Variants in TUSC3 observed in about 807,000 individuals in gnomAD.
The protein encoded by TUSC3 is dolichyl-diphosphooligosaccharide--protein glycosyltransferase subunit TUSC3.
Under a neutral mutation model 44.8 loss-of-function variants are expected in TUSC3, and 45 were observed. The ratio of observed to expected loss-of-function variants is 1.00; its 90% CI spans 0.79 to 1.29. The LOEUF (loss-of-function observed/expected upper bound fraction) is 1.29. Ranked by LOEUF, TUSC3 falls within the 50% of genes most tolerant of loss-of-function variation. TUSC3 has a pLI of 0.00. For missense variants in TUSC3, 519 were observed against 437.9 expected (o/e 1.19, Z -1.65); for synonymous variants, 212 against 152.9 (o/e 1.39, Z -2.85).
intron 1 of TUSC3, among the ~76,000 whole-genome samples, chr8:15,616,399 A>T (rs2129161320): frequency 6.6e-6 from 1 of 152,202 alleles, no homozygotes; most frequent in East Asian, 1.9e-4. Context: ...CCAACATGGC[A>T]AAACTCCGTT....
intron 1 of TUSC3, among the ~76,000 whole-genome samples, chr8:15,562,165 G>A (rs1005954030): frequency 6.6e-6 from 1 of 152,158 alleles, no homozygotes; most frequent in Non-Finnish European, 1.5e-5. Context: ...TTATAACCTA[G>A]TTGGGGTATC....
chr8:15,731,915 A>G (rs1810740809), intron 7 of TUSC3, among the ~76,000 whole-genome samples: 2 of 152,170 alleles, frequency 1.3e-5, no homozygotes, highest in African/African-American at 4.8e-5. Context: ...AAGTGGTGGT[A>G]TATAGTGATT....
intron 2 of TUSC3, among the ~76,000 whole-genome samples, chr8:15,522,970 G>A (rs4831737): frequency 0.94 from 143,615 of 152,236 alleles, 67,926 homozygotes; most frequent in South Asian, 0.99. Flanking sequence ...AAACCAATGC[G>A]AAGATGCATC....
intron 1 of TUSC3, among the ~76,000 whole-genome samples, chr8:15,562,901 A>G (rs149570586): frequency 4.6e-4 from 70 of 152,276 alleles, no homozygotes; most frequent in East Asian, 3.7e-3. Context: ...CTCAGAGTTA[A>G]TAGATTAGAG....
intron 2 of TUSC3, among the ~76,000 whole-genome samples, chr8:15,647,219 A>G (rs1806671556): frequency 6.6e-6 from 1 of 152,178 alleles, no homozygotes; most frequent in Admixed American, 6.5e-5. Context: ...CATAAGTAGC[A>G]TCAATGGCAA....
intron 2 of TUSC3, among the ~76,000 whole-genome samples, chr8:15,504,561 T>C (rs1303698894): frequency 1.5e-5 from 2 of 135,282 alleles, no homozygotes; most frequent in Non-Finnish European, 3.1e-5. Context: ...TTTAATCCTA[T>C]TAAAGGCAAC....
chr8:15,598,670 T>A (rs1413399924), intron 1 of TUSC3, among the ~76,000 whole-genome samples: 1 of 151,900 alleles, frequency 6.6e-6, no homozygotes, highest in South Asian at 2.1e-4. Context: ...TTTTTCAGAA[T>A]GTCATAAAGT....
intron 6 of TUSC3, among the ~76,000 whole-genome samples, chr8:15,684,009 C>T (rs1389714275): frequency 6.6e-6 from 1 of 151,700 alleles, no homozygotes; most frequent in Non-Finnish European, 1.5e-5. Context: ...GAGTGCAGTC[C>T]ACCAGCTGAC....
chr8:15,763,649 G>C (rs1812242022), intron 10 of TUSC3, among the ~76,000 whole-genome samples: 1 of 151,744 alleles, frequency 6.6e-6, no homozygotes, highest in African/African-American at 2.4e-5. Context: ...GCTTAGGGAA[G>C]TTTAAAAAAA....
chr8:15,594,188 C>A (rs900571986), intron 1 of TUSC3, among the ~76,000 whole-genome samples: 13 of 152,036 alleles, frequency 8.6e-5, no homozygotes, highest in Non-Finnish European at 1.8e-4. Context: ...TTTGGAATGG[C>A]TTCAGTTTAA....
chr8:15,637,735 G>T (rs981387387), intron 2 of TUSC3, among the ~76,000 whole-genome samples: 17 of 151,982 alleles, frequency 1.1e-4, no homozygotes, highest in African/African-American at 4.1e-4. Flanking sequence ...CTTTTGAGTG[G>T]CCTACTGATT....
intron 6 of TUSC3, among the ~76,000 whole-genome samples, chr8:15,710,781 G>T (rs1211162211): frequency 1.3e-5 from 2 of 148,628 alleles, no homozygotes; most frequent in African/African-American, 4.9e-5. Flanking sequence ...TGCATGAAGT[G>T]AATATATATA....
intron 2 of TUSC3, among the ~76,000 whole-genome samples, chr8:15,486,770 C>T (rs1206262070): frequency 1.3e-5 from 2 of 152,166 alleles, no homozygotes; most frequent in Non-Finnish European, 1.5e-5. Context: ...CTAAGGTAAG[C>T]CTATATTTTC....
In TUSC3 at chr8:15,479,384, C is replaced by G. The variant is rs183963562; in HGVS notation, n.92-4002C>G. ...GTGCCTATGTTCCAAATGGTATTGCCTAGATTTTCTTCTAGGGTTTTTATA... is the reference window on the plus strand; with the variant it reads ...GTGCCTATGTTCCAAATGGTATTGCGTAGATTTTCTTCTAGGGTTTTTATA... On this transcript the variant is annotated intron_variant and non_coding_transcript_variant, in intron 1 of 5. Coordinates refer to the TUSC3 transcript ENST00000503191. Among the ~76,000 whole-genome samples the G allele has an allele frequency of 1.8e-3, 272 of 152,224 alleles. 5 individuals carry two copies. Among genetic ancestry groups the G allele is most frequent in the Admixed American group, 0.012 (177 of 15,274 alleles).
intron 7 of TUSC3, among the ~76,000 whole-genome samples, chr8:15,731,511 C>G (rs1045100129): frequency 1.3e-5 from 2 of 152,076 alleles, no homozygotes; most frequent in Non-Finnish European, 2.9e-5. Flanking sequence ...AAATCTTTAA[C>G]TATCTTTGAA....
the TUSC3 span, chr8:15,806,537 A>G: frequency 1.4e-6 from 2 of 1,407,798 alleles, no homozygotes; most frequent in South Asian, 1.2e-5. Context: ...CCTGGATCTT[A>G]CAAAATCACA....
intron 1 of TUSC3, among the ~76,000 whole-genome samples, chr8:15,436,284 A>G (rs1191860934): frequency 1.3e-5 from 2 of 152,216 alleles, no homozygotes; most frequent in Non-Finnish European, 2.9e-5. Flanking sequence ...TCAAAAGGAA[A>G]GGAAGTAGAT....
intron 1 of TUSC3, among the ~76,000 whole-genome samples, chr8:15,417,848 C>T (rs1307251531): frequency 2.0e-5 from 3 of 152,074 alleles, no homozygotes; most frequent in Non-Finnish European, 4.4e-5. Flanking sequence ...CGGCCTTTCT[C>T]TTTCACTCTC....
chr8:15,504,665 T>G (rs1467660553), intron 2 of TUSC3, among the ~76,000 whole-genome samples: 3 of 142,378 alleles, frequency 2.1e-5, no homozygotes, highest in South Asian at 2.3e-4. Flanking sequence ...TTTTGTGTGT[T>G]TTTTTCGAGA....
Sources: gnomAD v4.1 joint callset for allele counts (sites outside exome capture counted in the v4.1 genomes callset) on GRCh38, gnomAD v4.1.1 for gene constraint, MANE v1.5 for transcripts, NCBI Gene and HGNC (gene_info 2026-07-23, HGNC 2026-07-21) for gene names.